ABCA13: variants seen among roughly 807,000 people sequenced by gnomAD.
ABCA13 encodes ATP binding cassette subfamily A member 13.
A neutral mutation model predicts 478.7 loss-of-function variants in ABCA13; 476 were observed. The ratio of observed to expected loss-of-function variants is 0.99; its 90% CI spans 0.92 to 1.07. ABCA13 has a LOEUF of 1.07. ABCA13 is among the 50% of genes least tolerant of loss of function. ABCA13 has a pLI of 0.00. For missense variants in ABCA13, 6,060 were observed against 5,910.6 expected (o/e 1.03, Z -0.83); for synonymous variants, 2,252 against 2,158.9 (o/e 1.04, Z -1.20).
chr7:48,434,087 C>T (rs1380826189), intron 42 of ABCA13, among the ~76,000 whole-genome samples: 1 of 151,910 alleles, frequency 6.6e-6, no homozygotes, highest in South Asian at 2.1e-4. Flanking sequence ...TGAGAAATTG[C>T]TGTATCATTT....
intron 42 of ABCA13, among the ~76,000 whole-genome samples, chr7:48,434,244 T>A (rs1015149795): frequency 1.3e-5 from 2 of 152,050 alleles, no homozygotes; most frequent in Non-Finnish European, 2.9e-5. Context: ...GGTTTTGATT[T>A]GCATTTCCCT....
intron 42 of ABCA13, among the ~76,000 whole-genome samples, chr7:48,433,256 A>G (rs1426649209): frequency 6.6e-6 from 1 of 151,904 alleles, no homozygotes; most frequent in Non-Finnish European, 1.5e-5. Context: ...GAAGGATTCT[A>G]TAGCCCCCTT....
rs1795978791 is a variant in ABCA13 at position 48,274,109 on chromosome 7, G to C, written c.4443G>C (p.Glu1481Asp). The C allele has an allele frequency of 1.2e-6, 2 of 1,606,956 alleles. No individual in the cohort carries two copies. ...NIVLTTVFEK[E>D]KKPKFEILLA... The stretch of plus-strand genomic sequence containing the variant: ...TACTTACTACAGTCTTTGAAAAAGA[G>C]AAGAAACCTAAATTTGAGATTTTAT... The change falls in exon 17 of 62, where the codon GAG (glutamate) becomes GAC (aspartate). Residue 1481 changes from glutamate (E) to aspartate (D), a missense_variant. Coordinates refer to ENST00000435803, the MANE Select transcript of ABCA13 (RefSeq NM_152701.5).
chr7:48,282,756 T>A (rs1194587065), intron 19 of ABCA13, among the ~76,000 whole-genome samples: 1 of 152,224 alleles, frequency 6.6e-6, no homozygotes, highest in African/African-American at 2.4e-5. Flanking sequence ...TCACCTACCC[T>A]GTCTGGGGTC....
chr7:48,504,868 T>C (rs1831063998), intron 48 of ABCA13, among the ~76,000 whole-genome samples: 1 of 152,106 alleles, frequency 6.6e-6, no homozygotes, highest in African/African-American at 2.4e-5. Context: ...ACACTTTAGC[T>C]AGGAAGGACA....
intron 10 of ABCA13, 104 bp downstream of exon 10, chr7:48,241,170 A>G (rs753552685): frequency 1.9e-5 from 26 of 1,336,086 alleles, no homozygotes; most frequent in Non-Finnish European, 2.7e-5. Flanking sequence ...AACTACAGCT[A>G]AATAATGAAT....
intron 25 of ABCA13, 59 bp from the exon 26 acceptor site, chr7:48,314,173 T>C: frequency 1.3e-6 from 2 of 1,538,064 alleles, no homozygotes; most frequent in South Asian, 1.2e-5. Context: ...TTCAGAAGTG[T>C]GTGAAGGAAT....
chr7:48,286,159 T>C (rs1019872471), intron 19 of ABCA13, among the ~76,000 whole-genome samples: 8 of 152,284 alleles, frequency 5.3e-5, no homozygotes, highest in East Asian at 1.9e-4. Context: ...TTGTTACAAT[T>C]GATGAACCCA....
intron 45 of ABCA13, among the ~76,000 whole-genome samples, chr7:48,472,333 G>A (rs1330402579): frequency 2.0e-5 from 3 of 152,202 alleles, no homozygotes; most frequent in African/African-American, 7.2e-5. Flanking sequence ...ATGATGAGAT[G>A]CAATTCTCCT....
intron 39 of ABCA13, 61 bp from the exon 40 acceptor site, chr7:48,410,459 G>A (rs1180417367): frequency 6.3e-7 from 1 of 1,592,394 alleles, no homozygotes; most frequent in Non-Finnish European, 8.6e-7. Flanking sequence ...GAGGAAAGGA[G>A]GGAAGGTCCT....
At chr7:48,412,163 T>C (rs1819351322) in intron 40 of ABCA13, among the ~76,000 whole-genome samples, 190 bp from the exon 41 acceptor site, 1 of 152,180 alleles carries the variant, frequency 6.6e-6, no homozygotes, top group Non-Finnish European at 1.5e-5. Flanking sequence ...ACTGCAGATT[T>C]ATATTTTTTA....
intron 59 of ABCA13, among the ~76,000 whole-genome samples, chr7:48,635,050 G>T (rs950997352): frequency 6.6e-6 from 1 of 151,872 alleles, no homozygotes; most frequent in African/African-American, 2.4e-5. Context: ...TCACAAATTT[G>T]CCACTGGGAG....
At chr7:48,568,222 A>G (rs180873981) in intron 55 of ABCA13, among the ~76,000 whole-genome samples, 31 of 152,174 alleles carry the variant, frequency 2.0e-4, no homozygotes, top group Admixed American at 1.5e-3. Flanking sequence ...TTTACTTTCT[A>G]TCTCCATGGA....
intron 8 of ABCA13, 119 bp from the exon 9 acceptor site, chr7:48,239,122 T>C: frequency 9.6e-7 from 1 of 1,037,734 alleles, no homozygotes; most frequent in Non-Finnish European, 1.4e-6. Flanking sequence ...CATCACTTAC[T>C]TCTTCAATCA....
At chr7:48,281,265 C>T in intron 18 of ABCA13, 78 bp from the exon 19 acceptor site, 1 of 1,192,158 alleles carries the variant, frequency 8.4e-7, no homozygotes, top group Non-Finnish European at 1.2e-6. Flanking sequence ...TGTGTTATAA[C>T]TTAACCTACA....
At chr7:48,519,890 T>C (rs1225880032) in intron 52 of ABCA13, 151 bp from the exon 53 acceptor site, 32 of 805,198 alleles carry the variant, frequency 4.0e-5, no homozygotes, top group Non-Finnish European at 4.2e-5. Flanking sequence ...ATACCTTTGT[T>C]TTGATGGCTG....
Position 48,272,891 on chromosome 7 carries a change from T to C in ABCA13, c.3225T>C (p.Phe1075=), listed in dbSNP as rs776997654. The part of the protein sequence containing the change: ...LKQLLIIDED[F]RISLFQYMSQ... ...AGCTGCTCATAATTGATGAAGATTT[T>C]CGTATTTCTTTATTTCAATATATGA... The change falls in exon 17 of 62, where the codon TTT becomes TTC. Residue 1075 remains phenylalanine, a synonymous_variant. Coordinates refer to ENST00000435803, the MANE Select transcript of ABCA13 (RefSeq NM_152701.5). The C allele has an allele frequency of 5.0e-6, 8 of 1,609,706 alleles. No homozygotes were observed. The highest frequency in any genetic ancestry group is 6.8e-6 in the Non-Finnish European group (8 of 1,177,480).
At chr7:48,529,580 G>T (rs1833089549) in intron 55 of ABCA13, among the ~76,000 whole-genome samples, 1 of 152,120 alleles carries the variant, frequency 6.6e-6, no homozygotes, top group Non-Finnish European at 1.5e-5. Context: ...TTTAAGAGAG[G>T]TTATATGTTC....
rs1168234293 is a variant in ABCA13 at position 48,391,942 on chromosome 7, C to T, written c.11676C>T (p.His3892=). Residue 3892 remains histidine (H), a synonymous_variant, in exon 38 of 62, where the codon CAC becomes CAT. Coordinates refer to ENST00000435803, the MANE Select transcript of ABCA13 (RefSeq NM_152701.5). The part of the protein sequence containing the change: ...TTIISMLTGL[H]PPTSGTIIIN... Reference sequence around the variant, plus strand: ...GCAGATCCATGTTGACGGGGCTCCACCCTCCCACTTCTGGAACCATCATCA... The same window carrying T: ...GCAGATCCATGTTGACGGGGCTCCATCCTCCCACTTCTGGAACCATCATCA... 1.9e-6 allele frequency: 3 copies of T among 1,613,902 alleles called. No homozygotes were observed. Among genetic ancestry groups the T allele is most frequent in the Non-Finnish European group, 8.5e-7 (1 of 1,179,864 alleles).
Sources: allele counts gnomAD v4.1 joint callset (sites outside exome capture counted in the v4.1 genomes callset), GRCh38; gene constraint gnomAD v4.1.1; transcripts MANE v1.5; gene names NCBI Gene and HGNC (gene_info 2026-07-23, HGNC 2026-07-21).